Variants in PDE7A observed in about 807,000 individuals in gnomAD.
PDE7A encodes phosphodiesterase 7A.
A neutral mutation model predicts 64.3 loss-of-function variants in PDE7A; 39 were observed. The ratio of observed to expected loss-of-function variants is 0.61; its 90% CI spans 0.47 to 0.79. The LOEUF (loss-of-function observed/expected upper bound fraction) is 0.79, where lower values mean the gene tolerates loss of function less well. Among genes scored for constraint, PDE7A ranks in the 30% least tolerant of loss-of-function variants. The pLI, the probability that PDE7A is intolerant of heterozygous loss-of-function variation, is 0.00. For missense variants in PDE7A, 470 were observed against 582.8 expected, an observed-to-expected ratio of 0.81 and a Z score of 1.99; for synonymous variants, 203 against 206.8, an observed-to-expected ratio of 0.98 and a Z score of 0.16.
intron 1 of PDE7A, among the ~76,000 whole-genome samples, chr8:65,806,186 A>G (rs1350255384): frequency 2.6e-5 from 4 of 152,236 alleles, no homozygotes; most frequent in African/African-American, 9.6e-5. Context: ...AATATTTACA[A>G]TCATTTGAAG....
chr8:65,804,693 A>G (rs1257473250), intron 1 of PDE7A, among the ~76,000 whole-genome samples: 1 of 151,550 alleles, frequency 6.6e-6, no homozygotes, highest in African/African-American at 2.4e-5. Context: ...ATGTGCCACC[A>G]CACCAAGCTA....
intron 1 of PDE7A, among the ~76,000 whole-genome samples, chr8:65,791,100 A>G (rs546770206): frequency 5.2e-5 from 8 of 152,388 alleles, no homozygotes; most frequent in African/African-American, 1.9e-4. Flanking sequence ...TGGAAAGCGA[A>G]TACAAGATGG....
At chr8:65,774,289 A>T (rs1359592400) in intron 3 of PDE7A, among the ~76,000 whole-genome samples, 2 of 150,118 alleles carry the variant, frequency 1.3e-5, no homozygotes, top group Admixed American at 6.6e-5. Flanking sequence ...TTTTTAAAAG[A>T]TTTTTTGTAC....
chr8:65,741,181 C>A (rs1307061269), intron 5 of PDE7A, among the ~76,000 whole-genome samples: 1 of 152,100 alleles, frequency 6.6e-6, no homozygotes, highest in Non-Finnish European at 1.5e-5. Flanking sequence ...ATTAAATAGA[C>A]CACGTTTTAA....
intron 9 of PDE7A, 100 bp from the exon 10 acceptor site, chr8:65,725,021 C>T (rs1806552380): frequency 1.7e-6 from 1 of 581,018 alleles, no homozygotes. Flanking sequence ...TTATAGAACC[C>T]TAAAATATCC....
At chr8:65,761,910 C>G (rs890298394) in intron 3 of PDE7A, among the ~76,000 whole-genome samples, 2 of 152,188 alleles carry the variant, frequency 1.3e-5, no homozygotes, top group Non-Finnish European at 2.9e-5. Flanking sequence ...TCCACAGATT[C>G]TTTTCTATCA....
intron 1 of PDE7A, among the ~76,000 whole-genome samples, chr8:65,821,166 AAAAAC>A (rs1045831049): frequency 1.1e-4 from 16 of 152,178 alleles, no homozygotes; most frequent in Middle Eastern, 3.2e-3. Context: ...GACTTTTTAA[AAAAAC>A]AAAACAAAAC....
In PDE7A at chr8:65,719,479, T is replaced by A. The variant is rs1272661417; in HGVS notation, c.1260A>T (p.Leu420=). 5.0e-6 allele frequency: 8 copies of A among 1,612,142 alleles called. No homozygotes were observed. Among genetic ancestry groups the A allele is most frequent in the African/African-American group, 1.3e-5 (1 of 74,882 alleles). ...ANIQIGFMTY[L]VEPLFTEWAR... ...CCCATTCTGTAAATAAAGGCTCCAC[T>A]AGGTAAGTCATAAAACCTTGAGAAA... The change falls in exon 13 of 13, where the codon CTA becomes CTT. Residue 420 remains leucine, a synonymous_variant. Transcript: ENST00000401827.
At chr8:65,811,531 A>G (rs900151699) in intron 1 of PDE7A, among the ~76,000 whole-genome samples, 1 of 152,252 alleles carries the variant, frequency 6.6e-6, no homozygotes, top group Non-Finnish European at 1.5e-5. Flanking sequence ...TTCAGCAGAG[A>G]GCAAGATGAA....
intron 1 of PDE7A, among the ~76,000 whole-genome samples, chr8:65,824,288 A>G (rs1193145305): frequency 3.3e-5 from 5 of 152,242 alleles, no homozygotes; most frequent in Admixed American, 6.5e-5. Context: ...ACTTGTCCAC[A>G]TAACACTCAA....
At chr8:65,719,519 TA>T (rs747753439) in intron 12 of PDE7A, 24 bp from the exon 13 acceptor site, 37 of 1,413,264 alleles carry the variant, frequency 2.6e-5, no homozygotes, top group Non-Finnish European at 3.6e-5. Flanking sequence ...GAGAAAAAGT[TA>T]TTAACATATA....
intron 1 of PDE7A, among the ~76,000 whole-genome samples, chr8:65,832,111 T>G (rs1171902055): frequency 6.6e-6 from 1 of 152,190 alleles, no homozygotes; most frequent in Non-Finnish European, 1.5e-5. Flanking sequence ...TTCACTTAAT[T>G]ATGTTGCTAG....
At chr8:65,833,769 G>C (rs1285688801) in intron 1 of PDE7A, among the ~76,000 whole-genome samples, 1 of 152,106 alleles carries the variant, frequency 6.6e-6, no homozygotes, top group Non-Finnish European at 1.5e-5. Flanking sequence ...TTCCAGACCA[G>C]CATGGGCAAC....
chr8:65,719,745 G>GA (rs1320234397), intron 12 of PDE7A: 3 of 471,128 alleles, frequency 6.4e-6, no homozygotes, highest in Non-Finnish European at 1.1e-5. Flanking sequence ...AACCTTTTCT[G>GA]GTTATCCTTC....
chr8:65,786,757 T>C (rs958399416), intron 1 of PDE7A, among the ~76,000 whole-genome samples: 2 of 152,198 alleles, frequency 1.3e-5, no homozygotes, highest in African/African-American at 4.8e-5. Context: ...TGAATGGAAA[T>C]AACTGAGAGG....
chr8:65,831,482 TC>T (rs1467973543), intron 1 of PDE7A, among the ~76,000 whole-genome samples: 2 of 152,216 alleles, frequency 1.3e-5, no homozygotes, highest in East Asian at 3.9e-4. Context: ...CTCTCTTCCT[TC>T]CACCACTGCC....
At chr8:65,821,397 T>TA (rs59297196) in intron 1 of PDE7A, among the ~76,000 whole-genome samples, 28,195 of 151,876 alleles carry the variant, frequency 0.19, 3,520 homozygotes, top group African/African-American at 0.37. Context: ...TAAACCAAGA[T>TA]ACAGCCCAAC....
At chr8:65,769,996 T>C (rs114230780) in intron 3 of PDE7A, among the ~76,000 whole-genome samples, 4,623 of 152,316 alleles carry the variant, frequency 0.03, 253 homozygotes, top group African/African-American at 0.11. Flanking sequence ...ACCATACTCT[T>C]AAAAATTTTT....
At chr8:65,760,582 C>G (rs1808439941) in intron 3 of PDE7A, among the ~76,000 whole-genome samples, 1 of 152,066 alleles carries the variant, frequency 6.6e-6, no homozygotes, top group Non-Finnish European at 1.5e-5. Context: ...GAATTGCTTC[C>G]AAAATATGAT....
Sources: allele counts gnomAD v4.1 joint callset (sites outside exome capture counted in the v4.1 genomes callset), GRCh38; gene constraint gnomAD v4.1.1; transcripts MANE v1.5; gene names NCBI Gene and HGNC (gene_info 2026-07-23, HGNC 2026-07-21).